The following THSD7B variants were observed in gnomAD, a reference collection of about 807,000 sequenced individuals.
THSD7B encodes the protein thrombospondin type-1 domain-containing protein 7B.
Under a neutral mutation model 213.6 loss-of-function variants are expected in THSD7B, and 138 were observed. That is an observed-to-expected ratio of 0.65 (90% CI 0.56 to 0.74). THSD7B has a LOEUF of 0.74. Ranked by LOEUF, THSD7B falls within the 30% of genes least tolerant of loss-of-function variation. The pLI, the probability that THSD7B is intolerant of heterozygous loss-of-function variation, is 0.00. For synonymous variants in THSD7B, 742 were observed against 687.0 expected (o/e 1.08, Z -1.25); for missense variants, 1,931 against 1,991.5 (o/e 0.97, Z 0.58).
At chr2:137,639,718 A>G (rs2104859897) in intron 20 of THSD7B, among the ~76,000 whole-genome samples, 1 of 152,290 alleles carries the variant, frequency 6.6e-6, no homozygotes, top group Admixed American at 6.5e-5. Context: ...GTGACCTGAA[A>G]GTGAGACCTG....
At chr2:137,391,876 T>G (rs1686035887) in intron 12 of THSD7B, among the ~76,000 whole-genome samples, 2 of 152,196 alleles carry the variant, frequency 1.3e-5, no homozygotes, top group African/African-American at 4.8e-5. Flanking sequence ...GATGTGGGCA[T>G]TTAATGCTAC....
intron 16 of THSD7B, 22 bp from the exon 17 acceptor site, chr2:137,572,384 A>C: frequency 6.2e-7 from 1 of 1,613,354 alleles, no homozygotes; most frequent in South Asian, 1.1e-5. Context: ...TAATCAAACT[A>C]TCTTGTGACC....
intron 15 of THSD7B, among the ~76,000 whole-genome samples, chr2:137,524,505 T>G (rs1169739075): frequency 6.6e-6 from 1 of 152,188 alleles, no homozygotes; most frequent in Non-Finnish European, 1.5e-5. Context: ...TATCTGCATT[T>G]TTTTTATAGG....
intron 3 of THSD7B, among the ~76,000 whole-genome samples, chr2:137,070,370 T>G (rs956266972): frequency 2.6e-5 from 4 of 151,856 alleles, no homozygotes; most frequent in Admixed American, 2.0e-4. Context: ...GACATTTAGG[T>G]AGTTTTTAAT....
intron 15 of THSD7B, among the ~76,000 whole-genome samples, chr2:137,509,371 CTTTCTTCCTTTATTTATTTT>C (rs889977709): frequency 1.4e-5 from 2 of 144,930 alleles, no homozygotes; most frequent in Non-Finnish European, 3.0e-5. Flanking sequence ...TCCTCCCTTC[CTTTCTTCCTTTATTTATTTT>C]GTATACCTTT....
intron 1 of THSD7B, among the ~76,000 whole-genome samples, chr2:136,829,847 T>C (rs750658020): frequency 6.6e-6 from 1 of 152,194 alleles, no homozygotes; most frequent in Non-Finnish European, 1.5e-5. Context: ...TTTCCTTCTG[T>C]CTTACTACTT....
At chr2:137,119,115 A>G (rs1029406107) in intron 5 of THSD7B, among the ~76,000 whole-genome samples, 1 of 152,208 alleles carries the variant, frequency 6.6e-6, no homozygotes, top group Non-Finnish European at 1.5e-5. Flanking sequence ...CATGAGTAGT[A>G]TATGGAAACT....
chr2:136,871,246 C>A (rs1428104253), intron 1 of THSD7B, among the ~76,000 whole-genome samples: 2 of 152,010 alleles, frequency 1.3e-5, no homozygotes, highest in Non-Finnish European at 2.9e-5. Context: ...GGGGCGAAGT[C>A]AGGTTGAAGA....
intron 7 of THSD7B, among the ~76,000 whole-genome samples, chr2:137,197,480 A>G (rs1680787125): frequency 6.6e-6 from 1 of 152,204 alleles, no homozygotes; most frequent in South Asian, 2.1e-4. Context: ...ATCTGGCTAA[A>G]TCACCACCAA....
rs1303396324 is a variant in THSD7B at position 137,171,033 on chromosome 2, G to C, written c.1723+95G>C. The stretch of plus-strand genomic sequence containing the variant: ...CAATAGATCATTCTCATGAGGAAGA[G>C]AAGCACAGCCTTTCTTATCCTTGAA... On this transcript the variant is annotated intron_variant, in intron 7 of 27. Coordinates refer to ENST00000409968, the MANE Select transcript of THSD7B (RefSeq NM_001316349.2). 5 of 1,284,032 alleles carry C rather than the reference G, an allele frequency of 3.9e-6. No individual in the cohort carries two copies. The African/African-American group carries it at 5.9e-5, about 15-fold the overall frequency. The allele number at this position is 1,284,032 out of a possible 1,614,324, so 79.5% of individuals were successfully genotyped here.
intron 12 of THSD7B, among the ~76,000 whole-genome samples, chr2:137,298,401 C>T (rs1159057727): frequency 6.6e-6 from 1 of 152,118 alleles, no homozygotes; most frequent in African/African-American, 2.4e-5. Flanking sequence ...AGAAAATTTG[C>T]AGCCTGACGA....
intron 10 of THSD7B, among the ~76,000 whole-genome samples, chr2:137,244,322 A>G (rs1681977302): frequency 6.6e-6 from 1 of 152,190 alleles, no homozygotes; most frequent in African/African-American, 2.4e-5. Flanking sequence ...AATTGTTATA[A>G]GAAGAGACTG....
At chr2:137,447,911 C>A (rs546869112) in intron 14 of THSD7B, among the ~76,000 whole-genome samples, 1 of 152,022 alleles carries the variant, frequency 6.6e-6, no homozygotes, top group East Asian at 1.9e-4. Flanking sequence ...AGAAAATGGA[C>A]ACTTTTTTCA....
chr2:136,805,321 ATCTG>A, intron 1 of THSD7B, among the ~76,000 whole-genome samples: 1 of 152,302 alleles, frequency 6.6e-6, no homozygotes, highest in South Asian at 2.1e-4. Context: ...CCACAGTTCA[ATCTG>A]TCTGTGTTCA....
At chr2:137,071,436 C>T (rs1187386958) in intron 3 of THSD7B, among the ~76,000 whole-genome samples, 1 of 152,056 alleles carries the variant, frequency 6.6e-6, no homozygotes, top group African/African-American at 2.4e-5. Flanking sequence ...TGTTTGAGTT[C>T]ATTGTAGATT....
At chr2:136,791,191 CT>C (rs1558806151) in intron 1 of THSD7B, among the ~76,000 whole-genome samples, 1 of 151,808 alleles carries the variant, frequency 6.6e-6, no homozygotes, top group African/African-American at 2.4e-5. Flanking sequence ...GATATAGCAA[CT>C]TCTAGGTTTT....
At chr2:136,875,882 C>G (rs1368570963) in intron 1 of THSD7B, among the ~76,000 whole-genome samples, 1 of 152,188 alleles carries the variant, frequency 6.6e-6, no homozygotes, top group Non-Finnish European at 1.5e-5. Flanking sequence ...TTCCATATGA[C>G]TCCTTGGCCA....
intron 1 of THSD7B, among the ~76,000 whole-genome samples, chr2:136,847,946 A>G (rs1027446539): frequency 6.6e-6 from 1 of 152,178 alleles, no homozygotes; most frequent in African/African-American, 2.4e-5. Flanking sequence ...CCAAGATTCC[A>G]GTGTGCATTT....
chr2:137,367,657 A>T (rs541501446), intron 12 of THSD7B, among the ~76,000 whole-genome samples: 2 of 152,236 alleles, frequency 1.3e-5, no homozygotes, highest in African/African-American at 4.8e-5. Context: ...CAAAAACAAC[A>T]GAAATTTATT....
Sources: gnomAD v4.1 joint callset for allele counts (sites outside exome capture counted in the v4.1 genomes callset) on GRCh38, gnomAD v4.1.1 for gene constraint, MANE v1.5 for transcripts, NCBI Gene and HGNC (gene_info 2026-07-23, HGNC 2026-07-21) for gene names.